ZBBX: variants seen among roughly 807,000 people sequenced by gnomAD.
The protein encoded by ZBBX is zinc finger B-box domain-containing protein 1.
Under a neutral mutation model 108.5 loss-of-function variants are expected in ZBBX, and 101 were observed. The observed-to-expected ratio is 0.93, with a 90% confidence interval of 0.79 to 1.10. ZBBX has a LOEUF of 1.10. Among genes scored for constraint, ZBBX ranks in the 50% least tolerant of loss-of-function variants. The pLI, the probability that ZBBX is intolerant of heterozygous loss-of-function variation, is 0.00. For synonymous variants in ZBBX, 356 were observed against 323.4 expected (o/e 1.10, Z -1.08); for missense variants, 1,009 against 941.4 (o/e 1.07, Z -0.94).
At chr3:167,353,633 T>C (rs1311455084) in intron 8 of ZBBX, among the ~76,000 whole-genome samples, 2 of 152,028 alleles carry the variant, frequency 1.3e-5, no homozygotes, top group Non-Finnish European at 1.5e-5. Context: ...ACTTCACTTG[T>C]ACCAACTAAA....
Position 167,329,291 on chromosome 3 carries a change from A to C in ZBBX, c.688-1175T>G, listed in dbSNP as rs146813215. 6.5e-3 allele frequency among the ~76,000 whole-genome samples: 985 copies of C among 152,344 alleles called. 14 individuals are homozygous for C. Among genetic ancestry groups the C allele is most frequent in the African/African-American group, 0.022 (929 of 41,578 alleles). ...CAAATGTGGATTACCTACACTGGTCAAATTGCTAAATATCCATGTGTATCT... is the reference window on the plus strand; with the variant it reads ...CAAATGTGGATTACCTACACTGGTCCAATTGCTAAATATCCATGTGTATCT... On this transcript the variant is annotated intron_variant, in intron 10 of 21. Coordinates refer to ENST00000675490, the MANE Select transcript of ZBBX (RefSeq NM_001199201.2).
the ZBBX span, among the ~76,000 whole-genome samples, chr3:167,229,625 A>G: frequency 2.0e-5 from 3 of 151,832 alleles, no homozygotes; most frequent in African/African-American, 4.8e-5. Context: ...GAAAGGCCCC[A>G]TGCTGGCTTT....
intron 4 of ZBBX, among the ~76,000 whole-genome samples, chr3:167,371,706 T>C (rs760914793): frequency 6.6e-6 from 1 of 152,146 alleles, no homozygotes; most frequent in Non-Finnish European, 1.5e-5. Flanking sequence ...ATTAACAAAA[T>C]TGGTAGTCCT....
At chr3:167,304,490 T>G (rs1338045544) in intron 17 of ZBBX, among the ~76,000 whole-genome samples, 1 of 152,180 alleles carries the variant, frequency 6.6e-6, no homozygotes, top group African/African-American at 2.4e-5. Context: ...TGGAATCTAT[T>G]GTGGGATAAG....
rs1736567631 is a variant in ZBBX, at chr3:167,322,232, A to T, written c.868T>A (p.Leu290Met). 1 of 1,457,392 alleles carries T rather than the reference A, an allele frequency of 6.9e-7. No homozygotes were observed. Among genetic ancestry groups the T allele is most frequent in the African/African-American group, 1.5e-5 (1 of 68,484 alleles). The allele number at this position is 1,457,392 out of a possible 1,614,324, so 90.3% of individuals were successfully genotyped here. ...QNLHAAVKDSLEECEVQTNLK... is the reference protein window; with the variant it reads ...QNLHAAVKDSMEECEVQTNLK... ...TTAGTCTGTACTTCGCATTCTTCCAATGAGTCTGTAAAAATAAACACAATG... is the reference window on the plus strand; with the variant it reads ...TTAGTCTGTACTTCGCATTCTTCCATTGAGTCTGTAAAAATAAACACAATG... The change falls in exon 12 of 22, where the codon TTG (leucine) becomes ATG (methionine). Residue 290 changes from leucine (L) to methionine (M), a missense_variant. By Grantham distance (15) the Leu-to-Met change is conservative. Transcript: ENST00000675490.
intron 9 of ZBBX, among the ~76,000 whole-genome samples, chr3:167,348,759 G>C (rs1263322554): frequency 6.6e-6 from 1 of 151,908 alleles, no homozygotes; most frequent in East Asian, 1.9e-4. Flanking sequence ...TATATATGAA[G>C]TGTATATTCG....
intron 4 of ZBBX, 72 bp from the exon 5 acceptor site, chr3:167,368,646 C>T: frequency 7.3e-7 from 1 of 1,365,000 alleles, no homozygotes; most frequent in Non-Finnish European, 9.7e-7. Context: ...ATAATCTTTT[C>T]CTGTTAAATT....
chr3:167,184,313 T>C, the ZBBX span, among the ~76,000 whole-genome samples: 1 of 152,290 alleles, frequency 6.6e-6, no homozygotes, highest in South Asian at 2.1e-4. Context: ...TCTTGACCTT[T>C]GTGTTGAGAT....
the ZBBX span, among the ~76,000 whole-genome samples, chr3:167,226,888 C>T: frequency 4.0e-5 from 6 of 151,658 alleles, no homozygotes; most frequent in East Asian, 1.9e-4. Flanking sequence ...TTTCCCTATG[C>T]GTAATAACTA....
chr3:167,203,655 A>T, the ZBBX span, among the ~76,000 whole-genome samples: 1 of 152,186 alleles, frequency 6.6e-6, no homozygotes, highest in African/African-American at 2.4e-5. Flanking sequence ...TTGCTTAAGG[A>T]AGCATATAAC....
intron 20 of ZBBX, among the ~76,000 whole-genome samples, chr3:167,243,535 AT>A (rs1206260272): frequency 6.6e-6 from 1 of 151,798 alleles, no homozygotes; most frequent in Non-Finnish European, 1.5e-5. Context: ...ACTAGCTGGG[AT>A]TATAGGCATG....
the ZBBX span, among the ~76,000 whole-genome samples, chr3:167,210,771 T>C: frequency 5.3e-5 from 8 of 151,604 alleles, no homozygotes; most frequent in South Asian, 1.5e-3. Context: ...CTGAAGGAAA[T>C]AAAAACTAAA....
At chr3:167,352,837 A>T (rs1742908913) in intron 8 of ZBBX, among the ~76,000 whole-genome samples, 1 of 152,168 alleles carries the variant, frequency 6.6e-6, no homozygotes, top group Non-Finnish European at 1.5e-5. Context: ...CAAACCAATA[A>T]ATGTGATTTA....
At chr3:167,378,909 T>C (rs1400996438) in intron 2 of ZBBX, among the ~76,000 whole-genome samples, 1 of 152,198 alleles carries the variant, frequency 6.6e-6, no homozygotes, top group Non-Finnish European at 1.5e-5. Context: ...TTTGCTATTG[T>C]ATGTTACCTT....
At chr3:167,265,230 G>C (rs926177486) in intron 20 of ZBBX, among the ~76,000 whole-genome samples, 2 of 152,216 alleles carry the variant, frequency 1.3e-5, no homozygotes, top group African/African-American at 2.4e-5. Context: ...TCCAAGGCCT[G>C]TGGTGTACTC....
chr3:167,268,823 G>C (rs902695810), intron 20 of ZBBX, among the ~76,000 whole-genome samples: 1 of 152,124 alleles, frequency 6.6e-6, no homozygotes, highest in Non-Finnish European at 1.5e-5. Flanking sequence ...GGCAAAACTT[G>C]GTGGAACCAA....
chr3:167,387,501 G>A (rs75565761), intron 1 of ZBBX, among the ~76,000 whole-genome samples: 3,032 of 152,074 alleles, frequency 0.02, 106 homozygotes, highest in African/African-American at 0.07. Context: ...TACTGGTATG[G>A]AGCGTGGGTG....
chr3:167,379,306 C>T (rs748223503), intron 2 of ZBBX, among the ~76,000 whole-genome samples: 14 of 152,160 alleles, frequency 9.2e-5, no homozygotes, highest in Non-Finnish European at 1.9e-4. Context: ...ACTGAACTTA[C>T]ACTCTGGTGA....
chr3:167,196,855 A>G, the ZBBX span, among the ~76,000 whole-genome samples: 1 of 152,190 alleles, frequency 6.6e-6, no homozygotes, highest in Non-Finnish European at 1.5e-5. Flanking sequence ...TCCTTTTCCT[A>G]TGCTAACACA....
Sources: allele counts gnomAD v4.1 joint callset (sites outside exome capture counted in the v4.1 genomes callset), GRCh38; gene constraint gnomAD v4.1.1; transcripts MANE v1.5; gene names NCBI Gene and HGNC (gene_info 2026-07-23, HGNC 2026-07-21).